Variants in TMEM132C observed in about 807,000 individuals in gnomAD.
The protein encoded by TMEM132C is transmembrane protein 132C.
In TMEM132C, 29 loss-of-function variants were observed where a neutral mutation model predicts 61.4. The ratio of observed to expected loss-of-function variants is 0.47; its 90% CI spans 0.35 to 0.64. The LOEUF (loss-of-function observed/expected upper bound fraction) is 0.64. Ranked by LOEUF, TMEM132C falls within the 30% of genes least tolerant of loss-of-function variation. The pLI is 0.00. For missense variants in TMEM132C, 1,408 were observed against 1,476.9 expected (o/e 0.95, Z 0.76); for synonymous variants, 656 against 633.1 (o/e 1.04, Z -0.54).
At chr12:128,517,382 C>T (rs1268939104) in intron 2 of TMEM132C, among the ~76,000 whole-genome samples, 2 of 151,958 alleles carry the variant, frequency 1.3e-5, no homozygotes, top group Non-Finnish European at 2.9e-5. Context: ...TTGCAGTGAG[C>T]CGAGATCACA....
At chr12:128,664,202 GCA>G in intron 4 of TMEM132C, among the ~76,000 whole-genome samples, 1 of 92,980 alleles carries the variant, frequency 1.1e-5, no homozygotes, top group African/African-American at 6.9e-5. Flanking sequence ...ACTCACACAG[GCA>G]CACACACATG....
chr12:128,540,529 GGCATGAGCCACCACGCCCAGCCAATT>G (rs1322146194), intron 2 of TMEM132C, among the ~76,000 whole-genome samples: 3 of 152,180 alleles, frequency 2.0e-5, no homozygotes, highest in Non-Finnish European at 4.4e-5. Context: ...TGGGATTACA[GGCATGAGCCACCACGCCCAGCCAATT>G]CTCTGTTTTC....
intron 2 of TMEM132C, among the ~76,000 whole-genome samples, chr12:128,471,725 T>C (rs1261755971): frequency 6.6e-6 from 1 of 152,278 alleles, no homozygotes; most frequent in East Asian, 1.9e-4. Flanking sequence ...TGCTTCAGTC[T>C]TCTCATCTAG....
rs184851717 is a variant in TMEM132C at position 128,430,323 on chromosome 12, G to A, written c.974+14703G>A. 2.8e-3 allele frequency among the ~76,000 whole-genome samples: 427 copies of A among 152,306 alleles called. 2 individuals carry two copies. Among genetic ancestry groups the A allele is most frequent in the African/African-American group, 9.8e-3 (406 of 41,548 alleles). ...AAATGACGGATGGGAGGGTGAAACT[G>A]TTGTTCTAGAAAATTAAATGCAGAC... On this transcript the variant is annotated intron_variant, in intron 2 of 8. Coordinates refer to ENST00000435159, the MANE Select transcript of TMEM132C (RefSeq NM_001136103.3).
intron 4 of TMEM132C, among the ~76,000 whole-genome samples, chr12:128,660,902 G>GAGGT (rs1179622671): frequency 1.5e-4 from 23 of 152,196 alleles, no homozygotes; most frequent in Non-Finnish European, 1.3e-4. Context: ...GATGAGGAGG[G>GAGGT]AGGTAGGTAG....
chr12:128,468,028 A>G (rs1439922288), intron 2 of TMEM132C, among the ~76,000 whole-genome samples: 1 of 152,186 alleles, frequency 6.6e-6, no homozygotes, highest in Non-Finnish European at 1.5e-5. Flanking sequence ...GGGATGGGGA[A>G]TCCGGCACCA....
At chr12:128,413,708 A>G (rs1868649925) in intron 1 of TMEM132C, among the ~76,000 whole-genome samples, 1 of 152,020 alleles carries the variant, frequency 6.6e-6, no homozygotes, top group Non-Finnish European at 1.5e-5. Context: ...CTCAATTTTT[A>G]AAAATCTTTT....
intron 3 of TMEM132C, among the ~76,000 whole-genome samples, chr12:128,562,167 C>T (rs1028448136): frequency 5.9e-5 from 9 of 152,156 alleles, no homozygotes; most frequent in Admixed American, 4.6e-4. Flanking sequence ...TGTGGCTTGG[C>T]GCCAAGCATT....
intron 2 of TMEM132C, among the ~76,000 whole-genome samples, chr12:128,479,364 A>G (rs1351415146): frequency 6.6e-6 from 1 of 152,210 alleles, no homozygotes; most frequent in Non-Finnish European, 1.5e-5. Flanking sequence ...CTTAAAAGTT[A>G]AGGAAAAAAA....
intron 5 of TMEM132C, among the ~76,000 whole-genome samples, chr12:128,685,033 G>A (rs999211788): frequency 2.0e-5 from 3 of 152,114 alleles, no homozygotes; most frequent in African/African-American, 4.8e-5. Flanking sequence ...GTCCTGAAAC[G>A]GTGGCCCCTC....
Position 128,512,199 on chromosome 12 carries a change from G to C in TMEM132C, c.975-31758G>C, listed in dbSNP as rs1872587872. Among the ~76,000 whole-genome samples, 20 of 151,962 alleles carry C rather than the reference G, an allele frequency of 1.3e-4. No homozygotes were observed. The South Asian group carries it at 4.2e-3, about 32-fold the overall frequency. ...AAAGAGACGCCTTGCTTCCCTTCCT[G>C]GGCCTCTCCATCTCAGCGCCCACCC... On this transcript the variant is annotated intron_variant, in intron 2 of 8. Transcript: ENST00000435159.
chr12:128,665,644 CCCAGGCACATGTACCCATAA>C (rs1954454836), intron 4 of TMEM132C, among the ~76,000 whole-genome samples: 2 of 145,188 alleles, frequency 1.4e-5, no homozygotes, highest in South Asian at 4.3e-4. Flanking sequence ...CACACACACA[CCCAGGCACATGTACCCATAA>C]ACACACAGGC....
chr12:128,693,585 A>T (rs1018660460), intron 5 of TMEM132C, among the ~76,000 whole-genome samples: 1 of 152,158 alleles, frequency 6.6e-6, no homozygotes, highest in Admixed American at 6.5e-5. Flanking sequence ...GTAACAGCCT[A>T]AAAAATGCAC....
chr12:128,486,909 ACACACACACACAG>A (rs1565950575), intron 2 of TMEM132C, among the ~76,000 whole-genome samples: 257 of 118,694 alleles, frequency 2.2e-3, no homozygotes, highest in African/African-American at 7.9e-3. Flanking sequence ...ACACACACAC[ACACACACACACAG>A]CTCAGCACTT....
At chr12:128,593,853 T>C (rs1210502134) in intron 3 of TMEM132C, among the ~76,000 whole-genome samples, 2 of 152,120 alleles carry the variant, frequency 1.3e-5, no homozygotes, top group African/African-American at 4.8e-5. Flanking sequence ...CATTTTAGTT[T>C]CCATCTCTCT....
chr12:128,608,762 G>C (rs1876514042), intron 3 of TMEM132C, among the ~76,000 whole-genome samples: 1 of 152,138 alleles, frequency 6.6e-6, no homozygotes, highest in African/African-American at 2.4e-5. Flanking sequence ...CACAGCTATT[G>C]ATAGTTTTTC....
intron 2 of TMEM132C, among the ~76,000 whole-genome samples, chr12:128,469,377 A>G (rs1593064502): frequency 7.0e-6 from 1 of 142,398 alleles, no homozygotes; most frequent in East Asian, 2.1e-4. Context: ...CCCAGGCTGG[A>G]GTGCAGTGGC....
intron 5 of TMEM132C, among the ~76,000 whole-genome samples, chr12:128,688,188 A>G (rs967487958): frequency 1.3e-5 from 2 of 152,206 alleles, no homozygotes; most frequent in Non-Finnish European, 2.9e-5. Flanking sequence ...TGCCCACAGG[A>G]ATGCCAATGA....
At chr12:128,407,413 G>A (rs1875383091) in intron 1 of TMEM132C, among the ~76,000 whole-genome samples, 1 of 152,160 alleles carries the variant, frequency 6.6e-6, no homozygotes, top group Admixed American at 6.5e-5. Flanking sequence ...TAATCATACG[G>A]TCAATTCTTG....
Sources: gnomAD v4.1 joint callset for allele counts (sites outside exome capture counted in the v4.1 genomes callset) on GRCh38, gnomAD v4.1.1 for gene constraint, MANE v1.5 for transcripts, NCBI Gene and HGNC (gene_info 2026-07-23, HGNC 2026-07-21) for gene names.